Variants in ERC1 observed in about 807,000 individuals in gnomAD.
ERC1 encodes the protein ELKS/RAB6-interacting/CAST family member 1, also known as RAB6 interacting protein 2.
ERC1 carries 56 observed loss-of-function variants against 132.0 expected under a neutral mutation model. The ratio of observed to expected loss-of-function variants is 0.42; its 90% confidence interval spans 0.34 to 0.53. The LOEUF is 0.53. Among genes scored for constraint, ERC1 ranks in the 20% least tolerant of loss-of-function variants. The pLI is 0.03. For synonymous variants in ERC1, 478 were observed against 476.1 expected, an observed-to-expected ratio of 1.00 and a Z score of -0.05; for missense variants, 1,202 against 1,349.9, an observed-to-expected ratio of 0.89 and a Z score of 1.72.
intron 15 of ERC1, among the ~76,000 whole-genome samples, chr12:1,311,423 T>A: frequency 6.6e-6 from 1 of 152,352 alleles, no homozygotes; most frequent in East Asian, 1.9e-4. Context: ...CTTAGTTGAT[T>A]AGTAAAAAGG....
rs187207448 is a variant in ERC1, at chr12:1,211,698, T to A, written c.2351+21646T>A. Among the ~76,000 whole-genome samples, 5 of 152,174 alleles carry A rather than the reference T, an allele frequency of 3.3e-5. 1 individual carries two copies. The East Asian group carries it at 9.7e-4, about 29-fold the overall frequency. ...CCTCAGCCTCTCTAGTAGCTGGGATTACAGGCACTCACCACCACGCCCAGC... is the reference window on the plus strand; with the variant it reads ...CCTCAGCCTCTCTAGTAGCTGGGATAACAGGCACTCACCACCACGCCCAGC... On this transcript the variant is annotated intron_variant, in intron 12 of 18. Transcript: ENST00000360905.
chr12:1,221,246 A>G (rs1313846734), intron 12 of ERC1, among the ~76,000 whole-genome samples: 1 of 152,200 alleles, frequency 6.6e-6, no homozygotes, highest in Non-Finnish European at 1.5e-5. Flanking sequence ...GATTAAAGTT[A>G]TCTTGAGAAC....
intron 1 of ERC1, among the ~76,000 whole-genome samples, chr12:1,003,915 C>T (rs539720890): frequency 1.3e-5 from 2 of 152,170 alleles, no homozygotes; most frequent in Admixed American, 1.3e-4. Flanking sequence ...GATGAGGAGC[C>T]TATTCTAGGC....
intron 8 of ERC1, among the ~76,000 whole-genome samples, chr12:1,147,229 T>C (rs554349640): frequency 6.6e-6 from 1 of 152,164 alleles, no homozygotes; most frequent in Non-Finnish European, 1.5e-5. Flanking sequence ...CTTTCAACTT[T>C]CCCCCGTTCA....
At chr12:1,305,938 A>C (rs533865041) in intron 15 of ERC1, among the ~76,000 whole-genome samples, 1 of 152,362 alleles carries the variant, frequency 6.6e-6, no homozygotes, top group African/African-American at 2.4e-5. Flanking sequence ...GAAAGGCAGC[A>C]GAAGGCAATG....
intron 13 of ERC1, among the ~76,000 whole-genome samples, chr12:1,249,446 A>C (rs1188994770): frequency 6.6e-6 from 1 of 152,218 alleles, no homozygotes; most frequent in East Asian, 1.9e-4. Flanking sequence ...AAATCCTCGC[A>C]GTTGGAATTA....
chr12:1,169,864 T>G (rs1243719032), intron 8 of ERC1, among the ~76,000 whole-genome samples: 1 of 152,190 alleles, frequency 6.6e-6, no homozygotes, highest in Non-Finnish European at 1.5e-5. Flanking sequence ...GGTTACACAT[T>G]ATGAACTTGT....
intron 18 of ERC1, among the ~76,000 whole-genome samples, 187 bp from the exon 19 acceptor site, chr12:1,489,906 A>G (rs1398638549): frequency 6.6e-6 from 1 of 152,220 alleles, no homozygotes; most frequent in Non-Finnish European, 1.5e-5. Flanking sequence ...ACCAGTGACT[A>G]ACTTTTTGGG....
chr12:1,256,978 C>T (rs561964079), intron 13 of ERC1, among the ~76,000 whole-genome samples: 1 of 150,866 alleles, frequency 6.6e-6, no homozygotes, highest in South Asian at 2.1e-4. Flanking sequence ...TCCAAGTCAT[C>T]CTTACCTCCT....
chr12:1,350,424 G>A (rs771698669), intron 15 of ERC1, among the ~76,000 whole-genome samples: 4 of 152,196 alleles, frequency 2.6e-5, no homozygotes, highest in Non-Finnish European at 5.9e-5. Context: ...AGTCCTAGGG[G>A]ATGGTACTTC....
intron 17 of ERC1, among the ~76,000 whole-genome samples, chr12:1,437,489 G>A (rs2092981954): frequency 6.6e-6 from 1 of 152,192 alleles, no homozygotes; most frequent in Non-Finnish European, 1.5e-5. Flanking sequence ...GATATGCTCA[G>A]CCAGAGATGT....
intron 2 of ERC1, among the ~76,000 whole-genome samples, chr12:1,062,078 C>T (rs1383355916): frequency 6.7e-6 from 1 of 148,214 alleles, no homozygotes; most frequent in South Asian, 2.1e-4. Context: ...GCAAGCTCTG[C>T]CTCCCGGGTT....
At chr12:1,260,971 C>T (rs2077105746) in intron 13 of ERC1, among the ~76,000 whole-genome samples, 1 of 152,164 alleles carries the variant, frequency 6.6e-6, no homozygotes, top group African/African-American at 2.4e-5. Flanking sequence ...AGGCTGTGAA[C>T]ACTGAGCTCA....
At chr12:1,298,820 A>G (rs1432154927) in intron 15 of ERC1, among the ~76,000 whole-genome samples, 1 of 151,912 alleles carries the variant, frequency 6.6e-6, no homozygotes, top group East Asian at 1.9e-4. Flanking sequence ...GACCTGTACT[A>G]TCATAAACAC....
At chr12:1,195,430 C>G (rs1956128367) in intron 12 of ERC1, among the ~76,000 whole-genome samples, 1 of 152,164 alleles carries the variant, frequency 6.6e-6, no homozygotes, top group African/African-American at 2.4e-5. Context: ...TTCCTCAGCT[C>G]CAGAAGTAGA....
chr12:1,289,490 TA>T (rs1422330638), intron 14 of ERC1, among the ~76,000 whole-genome samples: 5 of 152,262 alleles, frequency 3.3e-5, no homozygotes, highest in East Asian at 3.9e-4. Context: ...TCGTTCTGTA[TA>T]TTTTTTTATA....
Position 1,028,292 on chromosome 12 carries a change from T to G in ERC1, c.389T>G (p.Leu130Arg), listed in dbSNP as rs201939562. Residue 130 changes from leucine to arginine, a missense_variant, in exon 2 of 19, where the codon CTC becomes CGC. Coordinates refer to ENST00000360905, the MANE Select transcript of ERC1 (RefSeq NM_178040.4). ...SDTIAFGEHH[L>R]PPVSMASTVP... ...ACCATAGCATTTGGAGAGCATCACC[T>G]CCCTCCTGTGAGTATGGCATCCACT... 6.2e-7 allele frequency: 1 copy of G among 1,614,052 alleles called. No homozygotes were observed. The highest frequency in any genetic ancestry group is 1.3e-5 in the African/African-American group (1 of 74,958).
At chr12:1,316,253 A>C (rs1222625690) in intron 15 of ERC1, among the ~76,000 whole-genome samples, 1 of 152,198 alleles carries the variant, frequency 6.6e-6, no homozygotes, top group African/African-American at 2.4e-5. Context: ...TATTAAATAT[A>C]TGAGAAGCTT....
intron 7 of ERC1, among the ~76,000 whole-genome samples, chr12:1,126,487 A>C (rs1220490557): frequency 6.6e-6 from 1 of 152,226 alleles, no homozygotes; most frequent in Non-Finnish European, 1.5e-5. Context: ...TAGATGGATT[A>C]AAGACCTCAG....
Sources: gnomAD v4.1 joint callset for allele counts (sites outside exome capture counted in the v4.1 genomes callset) on GRCh38, gnomAD v4.1.1 for gene constraint, MANE v1.5 for transcripts, NCBI Gene and HGNC (gene_info 2026-07-23, HGNC 2026-07-21) for gene names.